The following RBFOX1 variants were observed in gnomAD, a reference collection of about 807,000 sequenced individuals.
RBFOX1 encodes RNA binding fox-1 homolog 1.
In RBFOX1, 8 loss-of-function variants were observed where a neutral mutation model predicts 57.7. The observed-to-expected ratio is 0.14, with a 90% CI of 0.08 to 0.25. The LOEUF (loss-of-function observed/expected upper bound fraction) is 0.25. Among genes scored for constraint, RBFOX1 ranks in the 10% least tolerant of loss-of-function variants. RBFOX1 has a pLI of 1.00. For synonymous variants in RBFOX1, 326 were observed against 222.4 expected, an observed-to-expected ratio of 1.47 and a Z score of -4.15; for missense variants, 611 against 548.5, an observed-to-expected ratio of 1.11 and a Z score of -1.14.
At chr16:7,353,007 C>T (rs1422681888) in intron 4 of RBFOX1, among the ~76,000 whole-genome samples, 1 of 152,170 alleles carries the variant, frequency 6.6e-6, no homozygotes, top group Non-Finnish European at 1.5e-5. Flanking sequence ...TGAGCCACTG[C>T]ACCCAGCCCA....
intron 4 of RBFOX1, among the ~76,000 whole-genome samples, chr16:5,912,267 C>T (rs2058618505): frequency 6.6e-6 from 1 of 152,156 alleles, no homozygotes. Context: ...TGAGGCAAGA[C>T]CTGTCAGTTT....
intron 10 of RBFOX1, among the ~76,000 whole-genome samples, chr16:7,612,941 C>T (rs2057799297): frequency 6.6e-6 from 1 of 152,186 alleles, no homozygotes; most frequent in African/African-American, 2.4e-5. Context: ...CTTGAACACA[C>T]ATAACTCACT....
chr16:7,608,639 C>G (rs930154007), intron 10 of RBFOX1, among the ~76,000 whole-genome samples: 1 of 152,214 alleles, frequency 6.6e-6, no homozygotes, highest in Non-Finnish European at 1.5e-5. Flanking sequence ...CAAATTCTGC[C>G]TCCCCTACTC....
chr16:6,902,150 C>G (rs1429988568), intron 3 of RBFOX1, among the ~76,000 whole-genome samples: 3 of 152,086 alleles, frequency 2.0e-5, no homozygotes, highest in Non-Finnish European at 2.9e-5. Flanking sequence ...GTAGGTGGTG[C>G]TTTTCGTACC....
chr16:6,827,623 T>G (rs2092316531), intron 3 of RBFOX1, among the ~76,000 whole-genome samples: 1 of 152,168 alleles, frequency 6.6e-6, no homozygotes, highest in Non-Finnish European at 1.5e-5. Flanking sequence ...GCCCCATCCT[T>G]CACTGCTCAG....
chr16:6,709,836 G>C (rs903218048), intron 3 of RBFOX1, among the ~76,000 whole-genome samples: 1 of 152,100 alleles, frequency 6.6e-6, no homozygotes, highest in African/African-American at 2.4e-5. Context: ...TCAGAACGCT[G>C]GCTGGTACAC....
At chr16:6,125,208 C>A (rs1273571399) in intron 1 of RBFOX1, among the ~76,000 whole-genome samples, 1 of 152,110 alleles carries the variant, frequency 6.6e-6, no homozygotes, top group Non-Finnish European at 1.5e-5. Context: ...TTTGTCAAGC[C>A]CCCAAATCCT....
At chr16:5,931,568 T>TC (rs1320646473) in intron 4 of RBFOX1, among the ~76,000 whole-genome samples, 3 of 152,224 alleles carry the variant, frequency 2.0e-5, no homozygotes, top group Non-Finnish European at 2.9e-5. Context: ...GATAGGTAAG[T>TC]CTTTGAGCAG....
intron 3 of RBFOX1, among the ~76,000 whole-genome samples, chr16:6,660,190 C>A (rs763487299): frequency 6.6e-6 from 1 of 150,790 alleles, no homozygotes; most frequent in Non-Finnish European, 1.5e-5. Flanking sequence ...CGCCATTGCC[C>A]TTCAGCCTGG....
intron 3 of RBFOX1, among the ~76,000 whole-genome samples, chr16:6,848,655 A>AG (rs963307341): frequency 2.0e-5 from 3 of 151,954 alleles, no homozygotes; most frequent in African/African-American, 4.8e-5. Context: ...GAAAGGAGGG[A>AG]GGGAAAAAAG....
chr16:5,901,979 C>T (rs942881930), intron 4 of RBFOX1, among the ~76,000 whole-genome samples: 4 of 152,136 alleles, frequency 2.6e-5, no homozygotes, highest in African/African-American at 4.8e-5. Flanking sequence ...GCCCCTAGTC[C>T]TCCTGATACT....
chr16:7,710,330 A>G (rs79876659), intron 15 of RBFOX1: 12,935 of 1,227,976 alleles, frequency 0.011, 248 homozygotes, highest in East Asian at 0.028. Flanking sequence ...ATTCTGTTAT[A>G]AAAAAATGAG....
At chr16:7,511,586 T>G (rs1191777161) in intron 4 of RBFOX1, among the ~76,000 whole-genome samples, 1 of 152,224 alleles carries the variant, frequency 6.6e-6, no homozygotes, top group Non-Finnish European at 1.5e-5. Context: ...GCCAGGCTAT[T>G]TCATGCTTCA....
chr16:5,819,861 T>C (rs2055782281), intron 3 of RBFOX1, among the ~76,000 whole-genome samples: 1 of 152,230 alleles, frequency 6.6e-6, no homozygotes, highest in Non-Finnish European at 1.5e-5. Context: ...AGGAGCTAGC[T>C]TTGTACCTCA....
At chr16:6,147,125 A>C (rs1312532172) in intron 1 of RBFOX1, among the ~76,000 whole-genome samples, 1 of 152,142 alleles carries the variant, frequency 6.6e-6, no homozygotes, top group African/African-American at 2.4e-5. Context: ...GAGCCAGAGA[A>C]ATACTTTGTT....
chr16:5,641,061 C>T (rs1358026148), intron 3 of RBFOX1, among the ~76,000 whole-genome samples: 1 of 150,542 alleles, frequency 6.6e-6, no homozygotes, highest in East Asian at 2.0e-4. Flanking sequence ...CACATACACC[C>T]ATGCACACCA....
intron 4 of RBFOX1, among the ~76,000 whole-genome samples, chr16:7,151,459 C>G (rs372336566): frequency 6.6e-6 from 1 of 152,154 alleles, no homozygotes; most frequent in Admixed American, 6.5e-5. Flanking sequence ...CATCCTTCAA[C>G]TCCCTCCTGA....
chr16:6,891,758 C>T (rs1356786052), intron 3 of RBFOX1, among the ~76,000 whole-genome samples: 1 of 152,166 alleles, frequency 6.6e-6, no homozygotes, highest in Non-Finnish European at 1.5e-5. Flanking sequence ...AATCTGTCTT[C>T]AATCCAATGT....
intron 4 of RBFOX1, among the ~76,000 whole-genome samples, chr16:7,254,012 A>C (rs188022069): frequency 3.3e-5 from 5 of 152,162 alleles, no homozygotes; most frequent in African/African-American, 1.2e-4. Flanking sequence ...GTTAGCAGGG[A>C]TGGAAAGTGT....
Sources: gnomAD v4.1 joint callset for allele counts (sites outside exome capture counted in the v4.1 genomes callset) on GRCh38, gnomAD v4.1.1 for gene constraint, MANE v1.5 for transcripts, NCBI Gene and HGNC (gene_info 2026-07-23, HGNC 2026-07-21) for gene names.